Variants in DAPK1 observed in about 807,000 individuals in gnomAD.
DAPK1 encodes death-associated protein kinase 1.
In DAPK1, 56 loss-of-function variants were observed where a neutral mutation model predicts 144.9. The ratio of observed to expected loss-of-function variants is 0.39; its 90% confidence interval spans 0.31 to 0.48. DAPK1 has a LOEUF of 0.48. Among genes scored for constraint, DAPK1 ranks in the 20% least tolerant of loss-of-function variants. DAPK1 has a pLI of 0.95. For missense variants in DAPK1, 1,454 were observed against 1,875.4 expected (o/e 0.78, Z 4.15); for synonymous variants, 690 against 749.0 (o/e 0.92, Z 1.29).
At chr9:87,538,389 T>C (rs1182843154) in intron 2 of DAPK1, among the ~76,000 whole-genome samples, 1 of 152,236 alleles carries the variant, frequency 6.6e-6, no homozygotes, top group Non-Finnish European at 1.5e-5. Context: ...CAAGCATATC[T>C]GTAGATGTCC....
intron 23 of DAPK1, among the ~76,000 whole-genome samples, 155 bp downstream of exon 23, chr9:87,698,949 G>A (rs886751140): frequency 3.9e-5 from 6 of 152,190 alleles, no homozygotes; most frequent in African/African-American, 1.4e-4. Context: ...TACAGGTCTT[G>A]TATCCCTTAT....
chr9:87,557,232 A>T (rs1444486406), intron 2 of DAPK1, among the ~76,000 whole-genome samples: 1 of 152,140 alleles, frequency 6.6e-6, no homozygotes, highest in African/African-American at 2.4e-5. Flanking sequence ...ACATCCATCC[A>T]GGCAGCCCCA....
At position 87,703,083 on chromosome 9, in the gene DAPK1, TG is replaced by T; in HGVS notation, c.2928del (p.Trp976Ter). 6.2e-7 allele frequency: 1 copy of T among 1,601,518 alleles called. No homozygotes were observed. Among genetic ancestry groups the T allele is most frequent in the Non-Finnish European group, 8.6e-7 (1 of 1,168,404 alleles). ...GAAAATCATCTCCACGCTGCCTTCC[TG>T]GAGGAAGCTCAATGGACCCAACCAG... is the stretch of plus-strand genomic sequence containing the variant. ...CEKIISTLPS[W>X]RKLNGPNQLM... On this transcript the variant is annotated frameshift_variant, in exon 25 of 26. Transcript: ENST00000408954. LOFTEE classifies it high-confidence loss of function.
At chr9:87,573,106 G>A (rs1307587713) in intron 2 of DAPK1, among the ~76,000 whole-genome samples, 2 of 152,196 alleles carry the variant, frequency 1.3e-5, no homozygotes, top group East Asian at 1.9e-4. Flanking sequence ...GCCTTCTGGG[G>A]TTCAGAACAC....
chr9:87,705,802 G>A (rs564728396), intron 25 of DAPK1, among the ~76,000 whole-genome samples: 20 of 152,198 alleles, frequency 1.3e-4, no homozygotes, highest in African/African-American at 4.8e-4. Context: ...TTTTATTTAT[G>A]TACTTATTTT....
intron 20 of DAPK1, among the ~76,000 whole-genome samples, chr9:87,683,271 C>T (rs1017501724): frequency 7.2e-5 from 11 of 151,902 alleles, no homozygotes; most frequent in African/African-American, 9.6e-5. Flanking sequence ...TTAGTAGAGA[C>T]GAGGTTTCAC....
At chr9:87,552,115 A>G (rs1375495620) in intron 2 of DAPK1, among the ~76,000 whole-genome samples, 2 of 152,048 alleles carry the variant, frequency 1.3e-5, no homozygotes, top group Non-Finnish European at 2.9e-5. Flanking sequence ...TGTGCCTCTC[A>G]GCCCAGGCAG....
intron 2 of DAPK1, among the ~76,000 whole-genome samples, chr9:87,584,709 T>G (rs1458319817): frequency 6.6e-6 from 1 of 151,016 alleles, no homozygotes; most frequent in Non-Finnish European, 1.5e-5. Context: ...GGAGTTTCAC[T>G]CTTGTTGACC....
intron 20 of DAPK1, among the ~76,000 whole-genome samples, chr9:87,684,535 C>G (rs914911157): frequency 6.6e-6 from 1 of 152,222 alleles, no homozygotes; most frequent in African/African-American, 2.4e-5. Context: ...GCTGAGCTCC[C>G]AGCCAGGAGA....
At chr9:87,696,878 T>C (rs1450387806) in intron 21 of DAPK1, 129 bp from the exon 22 acceptor site, 2 of 720,146 alleles carry the variant, frequency 2.8e-6, no homozygotes, top group Non-Finnish European at 5.1e-6. Flanking sequence ...TAACAAGATG[T>C]ATACACATAC....
At position 87,643,361 on chromosome 9, in the gene DAPK1, TTTTTTA is replaced by T; in HGVS notation, c.919-14_919-9del. 1 of 1,505,550 alleles carries T rather than the reference TTTTTTA, an allele frequency of 6.6e-7. No homozygotes were observed. Among genetic ancestry groups the T allele is most frequent in the East Asian group, 2.3e-5 (1 of 43,056 alleles). The allele number at this position is 1,505,550 out of a possible 1,614,324, so 93.3% of individuals were successfully genotyped here. A position where few individuals can be genotyped will look rare whatever the true frequency, so the allele number is the denominator to read the frequency against. ...CCCCGCCCTCCCTTTTTTTTTTTTT[TTTTTTA>T]AAAAAAAGCAATCCGTTCGCTTGAT... On this transcript the variant is annotated splice_polypyrimidine_tract_variant and intron_variant, in intron 10 of 25. Coordinates refer to ENST00000408954, the MANE Select transcript of DAPK1 (RefSeq NM_004938.4).
chr9:87,523,151 C>T (rs924845990), intron 2 of DAPK1, among the ~76,000 whole-genome samples: 1 of 152,172 alleles, frequency 6.6e-6, no homozygotes, highest in South Asian at 2.1e-4. Flanking sequence ...TAAGTCCATT[C>T]ACATTGGTTG....
rs946706888 is a variant in DAPK1 at position 87,707,629 on chromosome 9, G to A, written c.*265G>A. 4.0e-5 allele frequency: 21 copies of A among 526,502 alleles called. No homozygotes were observed. In the Admixed American group the frequency reaches 5.8e-4, roughly 14 times the overall value. 32.6% of individuals were successfully genotyped at this position (526,502 alleles called of 1,614,324 possible). A position where few individuals can be genotyped will look rare whatever the true frequency, so the allele number is the denominator to read the frequency against. Reference sequence around the variant, plus strand: ...TGAAAAGCTAGTGTACCTCCTCTCAGTGTTTTGGACTCCATCTCTCATCCT... The same window carrying A: ...TGAAAAGCTAGTGTACCTCCTCTCAATGTTTTGGACTCCATCTCTCATCCT... On this transcript the variant is annotated 3_prime_UTR_variant, in exon 26 of 26. Transcript: ENST00000408954. This position sits in a 1 kb window ranked among gnomAD's most constrained non-coding sequence, Gnocchi z 4.0.
At chr9:87,560,530 C>G (rs1175840212) in intron 2 of DAPK1, among the ~76,000 whole-genome samples, 1 of 152,074 alleles carries the variant, frequency 6.6e-6, no homozygotes, top group Non-Finnish European at 1.5e-5. Context: ...AGTCTACTTT[C>G]TGTTTCTGTG....
intron 2 of DAPK1, among the ~76,000 whole-genome samples, chr9:87,568,521 T>G (rs9314766): frequency 0.28 from 42,135 of 152,060 alleles, 6,238 homozygotes; most frequent in East Asian, 0.49. Flanking sequence ...TTTCATGGAG[T>G]CATCTTCTTG....
At chr9:87,675,720 C>T (rs1028680520) in intron 19 of DAPK1, among the ~76,000 whole-genome samples, 2 of 151,958 alleles carry the variant, frequency 1.3e-5, no homozygotes, top group Admixed American at 1.3e-4. Context: ...TGTGACGGTG[C>T]TTGGACTGGG....
chr9:87,633,243 G>A, intron 3 of DAPK1: 1 of 984,416 alleles, frequency 1.0e-6, no homozygotes, highest in Non-Finnish European at 1.2e-6. Context: ...AGGAATATGA[G>A]TCCATATGTA....
chr9:87,554,559 G>A (rs180826195), intron 2 of DAPK1: 4 of 152,270 alleles, frequency 2.6e-5, no homozygotes, highest in South Asian at 4.1e-4. Context: ...CCAGAAGATG[G>A]ATGGGACCAC....
At chr9:87,527,867 G>A (rs577880618) in intron 2 of DAPK1, among the ~76,000 whole-genome samples, 3 of 152,358 alleles carry the variant, frequency 2.0e-5, no homozygotes, top group African/African-American at 7.2e-5. Flanking sequence ...AGGATGGGAA[G>A]CAATCTTATG....
Sources: allele counts gnomAD v4.1 joint callset (sites outside exome capture counted in the v4.1 genomes callset), GRCh38; gene constraint gnomAD v4.1.1; non-coding constraint Gnocchi (gnomAD v3.1); transcripts MANE v1.5; gene names NCBI Gene and HGNC (gene_info 2026-07-23, HGNC 2026-07-21).